The following HTR2A variants were observed in gnomAD, a reference collection of about 807,000 sequenced individuals.
The protein encoded by HTR2A is 5-HT2 receptor.
In HTR2A, 14 loss-of-function variants were observed where a neutral mutation model predicts 31.0. The ratio of observed to expected loss-of-function variants is 0.45; its 90% CI spans 0.30 to 0.71. The LOEUF is 0.71. Among genes scored for constraint, HTR2A ranks in the 30% least tolerant of loss-of-function variants. The pLI, the probability that HTR2A is intolerant of heterozygous loss-of-function variation, is 0.09. For synonymous variants in HTR2A, 209 were observed against 225.2 expected (o/e 0.93, Z 0.64); for missense variants, 442 against 573.3 (o/e 0.77, Z 2.34).
intron 3 of HTR2A, among the ~76,000 whole-genome samples, chr13:46,878,335 G>T (rs1950931833): frequency 6.6e-6 from 1 of 152,214 alleles, no homozygotes. Flanking sequence ...CTAATGGGCT[G>T]AGTAGATGTT....
intron 3 of HTR2A, among the ~76,000 whole-genome samples, chr13:46,873,675 C>T (rs1226345265): frequency 6.6e-6 from 1 of 151,976 alleles, no homozygotes; most frequent in Admixed American, 6.6e-5. Context: ...CAATTCCCAC[C>T]TATGAGTGAG....
Position 46,896,126 on chromosome 13 carries a change from C to T in HTR2A, c.-220G>A. 7.8e-7 allele frequency: 1 copy of T among 1,282,324 alleles called. No individual in the cohort carries two copies. Among genetic ancestry groups the T allele is most frequent in the Non-Finnish European group, 9.8e-7 (1 of 1,018,952 alleles). The allele number at this position is 1,282,324 out of a possible 1,614,324, so 79.4% of individuals were successfully genotyped here. ...CTTCATTCACAATTTTAGGAGAGTC[C>T]ACTGTTTGGTTTTATTATTTTCTCA... On this transcript the variant is annotated 5_prime_UTR_variant, in exon 2 of 4. Transcript: ENST00000542664.
chr13:46,848,204 G>C (rs190446238), intron 3 of HTR2A, among the ~76,000 whole-genome samples: 1 of 152,076 alleles, frequency 6.6e-6, no homozygotes, highest in Non-Finnish European at 1.5e-5. Context: ...TTTTTTGTTC[G>C]TTTTGCAACA....
chr13:46,887,862 C>T (rs1034125374), intron 3 of HTR2A, among the ~76,000 whole-genome samples: 2 of 143,358 alleles, frequency 1.4e-5, no homozygotes, highest in Non-Finnish European at 3.0e-5. Flanking sequence ...GGAGCTGAAT[C>T]GTGAGAACAC....
At chr13:46,874,787 T>C (rs1950893989) in intron 3 of HTR2A, among the ~76,000 whole-genome samples, 2 of 152,322 alleles carry the variant, frequency 1.3e-5, no homozygotes, top group South Asian at 4.1e-4. Flanking sequence ...GGAGAGTTAG[T>C]GTAGCTGAGA....
At chr13:46,846,616 G>A (rs1217530864) in intron 3 of HTR2A, among the ~76,000 whole-genome samples, 2 of 152,148 alleles carry the variant, frequency 1.3e-5, no homozygotes, top group African/African-American at 4.8e-5. Context: ...ATGACCTCTT[G>A]ACTGTGGATG....
chr13:46,885,580 A>G (rs746675573), intron 3 of HTR2A, among the ~76,000 whole-genome samples: 1 of 152,242 alleles, frequency 6.6e-6, no homozygotes. Context: ...TGCATTAAAA[A>G]TCATTACATG....
chr13:46,861,048 T>C (rs1223022243), intron 3 of HTR2A, among the ~76,000 whole-genome samples: 1 of 152,202 alleles, frequency 6.6e-6, no homozygotes. Flanking sequence ...GATGTTTTTG[T>C]TGTAGGCAGG....
Position 46,835,714 on chromosome 13 carries a change from AT to A in HTR2A, c.614-76del, listed in dbSNP as rs1433167538. Reference sequence around the variant, plus strand: ...GAAGGCAAGAGCATCATCACATAATATTGGCTATTGAAAAGATTTTATATCA... The same window carrying A: ...GAAGGCAAGAGCATCATCACATAATATGGCTATTGAAAAGATTTTATATCA... On this transcript the variant is annotated intron_variant, in intron 3 of 3. Transcript: ENST00000542664. 2.8e-6 allele frequency: 3 copies of A among 1,087,830 alleles called. No homozygotes were observed. The East Asian group carries it at 7.2e-5, about 26-fold the overall frequency. The allele number at this position is 1,087,830 out of a possible 1,614,324, so 67.4% of individuals were successfully genotyped here.
chr13:46,860,042 A>G (rs1296417392), intron 3 of HTR2A, among the ~76,000 whole-genome samples: 1 of 152,204 alleles, frequency 6.6e-6, no homozygotes, highest in Non-Finnish European at 1.5e-5. Flanking sequence ...ACCTCTGCTC[A>G]GAGCCCTGGA....
rs1205262501 is a variant in HTR2A, at chr13:46,833,515, A to G, written c.*1322T>C. On this transcript the variant is annotated 3_prime_UTR_variant, in exon 4 of 4. Transcript: ENST00000542664. ...AGCTGGGACCACAGTTGTGTGCCAC[A>G]AGGATCAGATAATTTTTTGATTTTT... 2 of 151,864 alleles carry G rather than the reference A, an allele frequency of 1.3e-5. No individual in the cohort carries two copies. Among genetic ancestry groups the G allele is most frequent in the Non-Finnish European group, 2.9e-5 (2 of 67,970 alleles). The allele number at this position is 151,864 out of a possible 1,614,324, so 9.4% of individuals were successfully genotyped here. A position where few individuals can be genotyped will look rare whatever the true frequency, so the allele number is the denominator to read the frequency against.
chr13:46,897,809 T>G (rs1334488545), upstream of HTR2A, among the ~76,000 whole-genome samples: 2 of 152,204 alleles, frequency 1.3e-5, no homozygotes, highest in Admixed American at 1.3e-4. Context: ...AGTCTGTACC[T>G]TCATAGCTGA....
Position 46,834,996 on chromosome 13 carries a change from G to A in HTR2A, c.1257C>T (p.Tyr419=), listed in dbSNP as rs2138336502. Residue 419 remains tyrosine, a synonymous_variant, in exon 4 of 4, where the codon TAC becomes TAT. Transcript: ENST00000542664. Reference sequence around the variant, plus strand: ...GTCCCATTTGAAGTTGGCTAGACTTGTAGGCCAAAGCCGGTATTGTGTTCA... The same window carrying A: ...GTCCCATTTGAAGTTGGCTAGACTTATAGGCCAAAGCCGGTATTGTGTTCA... ...ILVNTIPALA[Y]KSSQLQMGQK... 2 of 1,614,146 alleles carry A rather than the reference G, an allele frequency of 1.2e-6. No individual in the cohort carries two copies. The highest frequency in any genetic ancestry group is 2.2e-5 in the East Asian group (1 of 44,892).
chr13:46,864,840 G>A (rs1216310405), intron 3 of HTR2A, among the ~76,000 whole-genome samples: 7 of 152,120 alleles, frequency 4.6e-5, no homozygotes, highest in Non-Finnish European at 8.8e-5. Context: ...AGTGAGATTC[G>A]TCTTTGCAAT....
chr13:46,869,061 A>ACAC (rs1249904242), intron 3 of HTR2A, among the ~76,000 whole-genome samples: 1 of 152,182 alleles, frequency 6.6e-6, no homozygotes, highest in Non-Finnish European at 1.5e-5. Flanking sequence ...CAAAAGCACA[A>ACAC]ACAAAAACAG....
intron 3 of HTR2A, among the ~76,000 whole-genome samples, chr13:46,885,504 C>T (rs1950999239): frequency 6.6e-6 from 1 of 152,180 alleles, no homozygotes; most frequent in African/African-American, 2.4e-5. Context: ...AAATATTCTG[C>T]AATTTAGAGA....
Position 46,895,425 on chromosome 13 carries a change from C to T in HTR2A, c.412+70G>A. ...TTTGTTTGCCCCCTGAGCCCCATCT[C>T]ATCTGCTGGTGGCATGCACATGCTC... On this transcript the variant is annotated intron_variant, in intron 2 of 3. Coordinates refer to ENST00000542664, the MANE Select transcript of HTR2A (RefSeq NM_000621.5). The surrounding 1 kb of genome is among the most constrained non-coding windows in gnomAD (Gnocchi z 4.4). 1 of 1,434,822 alleles carries T rather than the reference C, an allele frequency of 7.0e-7. No individual in the cohort carries two copies. The highest frequency in any genetic ancestry group is 9.5e-7 in the Non-Finnish European group (1 of 1,047,824). The allele number at this position is 1,434,822 out of a possible 1,614,324, so 88.9% of individuals were successfully genotyped here. A position where few individuals can be genotyped will look rare whatever the true frequency, so the allele number is the denominator to read the frequency against.
chr13:46,879,018 A>T (rs777625103), intron 3 of HTR2A, among the ~76,000 whole-genome samples: 1 of 152,246 alleles, frequency 6.6e-6, no homozygotes, highest in Non-Finnish European at 1.5e-5. Context: ...AAAAACAAAT[A>T]TAAGAAACTG....
chr13:46,832,594 A>C lies in HTR2A; in HGVS notation c.*2243T>G, dbSNP rs1346290556. 1 of 152,182 alleles carries C rather than the reference A, an allele frequency of 6.6e-6. No individual in the cohort carries two copies. Among genetic ancestry groups the C allele is most frequent in the Non-Finnish European group, 1.5e-5 (1 of 68,016 alleles). 9.4% of individuals were successfully genotyped at this position (152,182 alleles called of 1,614,324 possible). A position where few individuals can be genotyped will look rare whatever the true frequency, so the allele number is the denominator to read the frequency against. Reference sequence around the variant, plus strand: ...TACAAGTGAAGGCAAAATACATTAGAGTGGAGACATTTTAACATTTATATT... The same window carrying C: ...TACAAGTGAAGGCAAAATACATTAGCGTGGAGACATTTTAACATTTATATT... On this transcript the variant is annotated 3_prime_UTR_variant, in exon 4 of 4. Coordinates refer to ENST00000542664, the MANE Select transcript of HTR2A (RefSeq NM_000621.5).
Sources: gnomAD v4.1 joint callset for allele counts (sites outside exome capture counted in the v4.1 genomes callset) on GRCh38, gnomAD v4.1.1 for gene constraint, Gnocchi (gnomAD v3.1) non-coding constraint, MANE v1.5 for transcripts, NCBI Gene and HGNC (gene_info 2026-07-23, HGNC 2026-07-21) for gene names.